Variants in COL6A6 observed in about 807,000 individuals in gnomAD.
COL6A6 encodes collagen type VI alpha 6 chain, also known as collagen alpha-6(VI) chain.
In COL6A6, 183 loss-of-function variants were observed where a neutral mutation model predicts 208.6. The ratio of observed to expected loss-of-function variants is 0.88; its 90% confidence interval spans 0.78 to 0.99. COL6A6 has a LOEUF of 0.99. COL6A6 is among the 50% of genes least tolerant of loss of function. COL6A6 has a pLI of 0.00. For synonymous variants in COL6A6, 973 were observed against 1,011.8 expected (o/e 0.96, Z 0.73); for missense variants, 2,816 against 2,815.2 (o/e 1.00, Z -0.01).
At chr3:130,623,088 T>G (rs565702525) in intron 24 of COL6A6, among the ~76,000 whole-genome samples, 1 of 152,236 alleles carries the variant, frequency 6.6e-6, no homozygotes, top group South Asian at 2.1e-4. Context: ...CGGTGTTATC[T>G]AAAACTTTTG....
chr3:130,564,549 A>G (rs370353132), intron 3 of COL6A6, among the ~76,000 whole-genome samples: 2 of 152,344 alleles, frequency 1.3e-5, no homozygotes, highest in East Asian at 1.9e-4. Flanking sequence ...ATGAGTCCTT[A>G]TTACTAGCAT....
chr3:130,607,444 A>G (rs1296203415), intron 21 of COL6A6, among the ~76,000 whole-genome samples: 1 of 152,224 alleles, frequency 6.6e-6, no homozygotes, highest in Non-Finnish European at 1.5e-5. Context: ...TATGTGTTTC[A>G]TGAACCTATA....
At chr3:130,634,484 A>G (rs2065050453) in intron 26 of COL6A6, 106 bp from the exon 27 acceptor site, 1 of 956,418 alleles carries the variant, frequency 1.0e-6, no homozygotes, top group Non-Finnish European at 1.6e-6. Context: ...CCCTTCCTTA[A>G]TTCAGAGGTA....
chr3:130,580,676 G>A (rs61149881), intron 8 of COL6A6, among the ~76,000 whole-genome samples: 5 of 152,124 alleles, frequency 3.3e-5, no homozygotes, highest in South Asian at 2.1e-4. Flanking sequence ...TTAAAAATTC[G>A]TGAAAGGAGA....
rs1341025400 is a variant in COL6A6 at position 130,571,327 on chromosome 3, A to G, written c.2911A>G (p.Thr971Ala). 6.2e-7 allele frequency: 1 copy of G among 1,613,072 alleles called. No individual in the cohort carries two copies. Among genetic ancestry groups the G allele is most frequent in the South Asian group, 1.1e-5 (1 of 90,870 alleles). Residue 971 changes from threonine (T) to alanine (A), a missense_variant, in exon 7 of 37, where the codon ACT (threonine) becomes GCT (alanine). Coordinates refer to ENST00000358511, the MANE Select transcript of COL6A6 (RefSeq NM_001102608.3). ...GSSDKYFFVE[T>A]FGGLKGIFSD... ...AAGCGACAAGTACTTCTTCGTGGAG[A>G]CTTTTGGAGGTCTGAAGGGAATATT... is the stretch of plus-strand genomic sequence containing the variant.
At chr3:130,591,932 C>T (rs1042677095) in intron 13 of COL6A6, among the ~76,000 whole-genome samples, 1 of 152,132 alleles carries the variant, frequency 6.6e-6, no homozygotes, top group African/African-American at 2.4e-5. Flanking sequence ...AAAGTATGTT[C>T]AAGGGCATGT....
At chr3:130,530,675 G>A (rs1316216612) in intron 1 of COL6A6, among the ~76,000 whole-genome samples, 2 of 152,178 alleles carry the variant, frequency 1.3e-5, no homozygotes, top group Non-Finnish European at 2.9e-5. Flanking sequence ...CTTTGGCTAG[G>A]CTGTGGGGCC....
rs192530803 is a variant in COL6A6 at position 130,550,994 on chromosome 3, T to A, written c.-31-9340T>A. Among the ~76,000 whole-genome samples the A allele has an allele frequency of 3.0e-4, 46 of 152,326 alleles. No homozygotes were observed. The East Asian group carries it at 8.3e-3, about 27-fold the overall frequency. ...TTTGTGTGAGTTGAACCAACTTGCA[T>A]CCCAGAGATAAAGTCCACTTGATCA... On this transcript the variant is annotated intron_variant, in intron 1 of 36. Transcript: ENST00000358511.
At chr3:130,652,698 C>T (rs1478877363) in intron 33 of COL6A6, among the ~76,000 whole-genome samples, 2 of 152,226 alleles carry the variant, frequency 1.3e-5, no homozygotes, top group Non-Finnish European at 1.5e-5. Context: ...TTGCCGCCTT[C>T]TTTCTTTTAT....
At chr3:130,546,939 T>C (rs1384024058) in intron 1 of COL6A6, among the ~76,000 whole-genome samples, 1 of 152,074 alleles carries the variant, frequency 6.6e-6, no homozygotes, top group Non-Finnish European at 1.5e-5. Flanking sequence ...GCATCTACAA[T>C]CCTCCAGCTA....
intron 1 of COL6A6, among the ~76,000 whole-genome samples, chr3:130,527,055 C>T (rs2107684605): frequency 6.6e-6 from 1 of 152,290 alleles, no homozygotes; most frequent in Middle Eastern, 3.4e-3. Flanking sequence ...CTCTTTTAGG[C>T]TACTTTTCCT....
chr3:130,556,315 G>A, intron 1 of COL6A6, among the ~76,000 whole-genome samples: 1 of 151,996 alleles, frequency 6.6e-6, no homozygotes, highest in Non-Finnish European at 1.5e-5. Context: ...TTCTCATATT[G>A]TCCTTGTTTG....
chr3:130,545,172 T>C (rs2062461186), intron 1 of COL6A6, among the ~76,000 whole-genome samples: 1 of 152,170 alleles, frequency 6.6e-6, no homozygotes, highest in Non-Finnish European at 1.5e-5. Context: ...ATTTAGGTCT[T>C]TTATACATTT....
At chr3:130,617,663 A>G (rs898273257) in intron 23 of COL6A6, among the ~76,000 whole-genome samples, 1 of 152,190 alleles carries the variant, frequency 6.6e-6, no homozygotes, top group African/African-American at 2.4e-5. Context: ...TCTTAGACTT[A>G]GCTGATATCT....
At chr3:130,628,297 T>C (rs75625127) in intron 26 of COL6A6, among the ~76,000 whole-genome samples, 9,486 of 152,320 alleles carry the variant, frequency 0.062, 319 homozygotes, top group African/African-American at 0.078. Flanking sequence ...GCCTATGGCA[T>C]TGGAACATTA....
chr3:130,546,440 C>A (rs184127773), intron 1 of COL6A6, among the ~76,000 whole-genome samples: 1 of 152,292 alleles, frequency 6.6e-6, no homozygotes, highest in African/African-American at 2.4e-5. Context: ...AAAGAGTGAG[C>A]AGCAGCAAGA....
chr3:130,551,847 G>A (rs2107803160), intron 1 of COL6A6, among the ~76,000 whole-genome samples: 1 of 151,814 alleles, frequency 6.6e-6, no homozygotes, highest in East Asian at 1.9e-4. Context: ...CAGAGATTCT[G>A]GTATGTTATA....
chr3:130,551,890 A>G (rs1017124623), intron 1 of COL6A6, among the ~76,000 whole-genome samples: 25 of 151,952 alleles, frequency 1.6e-4, no homozygotes, highest in African/African-American at 5.6e-4. Context: ...AGATCTTCTT[A>G]ATTTCTGCCT....
chr3:130,638,136 T>TA lies in COL6A6; in HGVS notation c.5091+2388dup, dbSNP rs770526459. Reference sequence around the variant, plus strand: ...AGTCAAATAACAAAGTTTGTTATATTAAAAAAAAAAAAATCCTTCACCCCC... The same window carrying TA: ...AGTCAAATAACAAAGTTTGTTATATTAAAAAAAAAAAAAATCCTTCACCCCC... On this transcript the variant is annotated intron_variant, in intron 28 of 36. Transcript: ENST00000358511. 5.0e-3 allele frequency among the ~76,000 whole-genome samples: 727 copies of TA among 145,504 alleles called. 2 individuals carry two copies. Among genetic ancestry groups the TA allele is most frequent in the African/African-American group, 0.013 (504 of 39,902 alleles).
Sources: gnomAD v4.1 joint callset for allele counts (sites outside exome capture counted in the v4.1 genomes callset) on GRCh38, gnomAD v4.1.1 for gene constraint, MANE v1.5 for transcripts, NCBI Gene and HGNC (gene_info 2026-07-23, HGNC 2026-07-21) for gene names.